Variants in PCDHGA9 observed in about 807,000 individuals in gnomAD.
The protein encoded by PCDHGA9 is protocadherin gamma subfamily A, 9.
Under a neutral mutation model 62.5 loss-of-function variants are expected in PCDHGA9, and 37 were observed. The observed-to-expected ratio is 0.59, with a 90% CI of 0.46 to 0.78. The LOEUF is 0.78. PCDHGA9 is among the 30% of genes least tolerant of loss of function. The probability of loss-of-function intolerance (pLI) is 0.00; values close to 1 mark genes in which losing one functional copy is unlikely to be tolerated. For missense variants in PCDHGA9, 1,138 were observed against 1,166.2 expected (o/e 0.98, Z 0.35); for synonymous variants, 459 against 484.6 (o/e 0.95, Z 0.69).
At chr5:141,410,583 G>A (rs1257322419) in intron 1 of PCDHGA9, 1 of 1,610,052 alleles carries the variant, frequency 6.2e-7, no homozygotes, top group African/African-American at 1.3e-5. Context: ...CCTCATGGTG[G>A]GGAGGATTTG....
At chr5:141,437,796 G>A (rs2097911691) in intron 1 of PCDHGA9, among the ~76,000 whole-genome samples, 1 of 150,348 alleles carries the variant, frequency 6.7e-6, no homozygotes, top group South Asian at 2.1e-4. Context: ...GGAGTGCAGT[G>A]GCACTATCTT....
intron 1 of PCDHGA9, among the ~76,000 whole-genome samples, chr5:141,465,984 T>C (rs11953841): frequency 0.18 from 27,399 of 151,848 alleles, 2,640 homozygotes; most frequent in Admixed American, 0.28. Context: ...TAGCCGGGCA[T>C]GGTGGCAGGC....
rs755576652 is a variant in PCDHGA9 at position 141,410,511 on chromosome 5, G to A, written c.2424+5135G>A. 4.3e-6 allele frequency: 7 copies of A among 1,613,942 alleles called. No individual in the cohort carries two copies. In the Admixed American group the frequency reaches 8.3e-5, roughly 19 times the overall value. On this transcript the variant is annotated intron_variant, in intron 1 of 3. Transcript: ENST00000573521. ...AAAGAGTTTAATTTCCTAAAATGCA[G>A]TGTGCCCCTACATTCCAATGAAGAC... is the stretch of plus-strand genomic sequence containing the variant.
At chr5:141,446,642 A>T (rs939365233) in intron 1 of PCDHGA9, among the ~76,000 whole-genome samples, 2 of 151,970 alleles carry the variant, frequency 1.3e-5, no homozygotes, top group Admixed American at 1.3e-4. Flanking sequence ...ACGCCTGGCT[A>T]ATTTTTGTAT....
chr5:141,504,228 C>T lies in PCDHGA9; in HGVS notation c.2484-1165C>T, dbSNP rs114896014. Among the ~76,000 whole-genome samples, 193 of 152,312 alleles carry T rather than the reference C, an allele frequency of 1.3e-3. 1 individual carries two copies. The highest frequency in any genetic ancestry group is 2.1e-3 in the Admixed American group (32 of 15,304). ...AAAATTCCAAGTAGAGCTGAACCTT[C>T]TAAGAAGCAGAGAGTTCTTCTTATG... On this transcript the variant is annotated intron_variant, in intron 2 of 3. Coordinates refer to ENST00000573521, the MANE Select transcript of PCDHGA9 (RefSeq NM_018921.3).
intron 1 of PCDHGA9, among the ~76,000 whole-genome samples, chr5:141,448,614 A>G (rs985924011): frequency 1.3e-5 from 2 of 152,070 alleles, no homozygotes; most frequent in East Asian, 1.9e-4. Flanking sequence ...ACCACTTTAT[A>G]TCTTCCTTTC....
At chr5:141,414,932 C>T (rs770025434) in intron 1 of PCDHGA9, 3 of 1,614,162 alleles carry the variant, frequency 1.9e-6, no homozygotes, top group Middle Eastern at 1.7e-4. Context: ...CCCCGCTCCG[C>T]AGAGCCCGGC....
At chr5:141,505,576 T>C in intron 3 of PCDHGA9, 95 bp downstream of exon 3, 5 of 1,590,334 alleles carry the variant, frequency 3.1e-6, no homozygotes, top group Admixed American at 1.7e-5. Context: ...ATGTCAAACC[T>C]GTGTAGTTTC....
At position 141,477,053 on chromosome 5, in the gene PCDHGA9, G is replaced by C; in HGVS notation, c.2425-17754G>C. ...GACAATCAAGGGTCGGCTGGACTTC[G>C]AGGACACCAAACTCCATGAGATTTA... On this transcript the variant is annotated intron_variant, in intron 1 of 3. Coordinates refer to ENST00000573521, the MANE Select transcript of PCDHGA9 (RefSeq NM_018921.3). This position sits in a 1 kb window ranked among gnomAD's most constrained non-coding sequence, Gnocchi z 4.9. The C allele has an allele frequency of 6.2e-7, 1 of 1,614,230 alleles. No homozygotes were observed. Among genetic ancestry groups the C allele is most frequent in the Non-Finnish European group, 8.5e-7 (1 of 1,180,032 alleles).
chr5:141,479,050 C>G (rs1484021560), intron 1 of PCDHGA9, among the ~76,000 whole-genome samples: 1 of 152,164 alleles, frequency 6.6e-6, no homozygotes, highest in South Asian at 2.1e-4. Context: ...ACCTCATTCT[C>G]AGATAATTTT....
At position 141,491,832 on chromosome 5, in the gene PCDHGA9, C is replaced by T. The variant is rs755882255; in HGVS notation, c.2425-2975C>T. On this transcript the variant is annotated intron_variant, in intron 1 of 3. Coordinates refer to ENST00000573521, the MANE Select transcript of PCDHGA9 (RefSeq NM_018921.3). The surrounding 1 kb of genome is among the most constrained non-coding windows in gnomAD (Gnocchi z 6.9). ...GTCGCTGGCTGCGCTCCACCCGATT[C>T]TCGGGATCATTGGACCGTTTGCGCG... 1.6e-5 allele frequency: 24 copies of T among 1,474,306 alleles called. No individual in the cohort carries two copies. The highest frequency in any genetic ancestry group is 2.0e-5 in the Non-Finnish European group (22 of 1,112,688). 91.3% of individuals were successfully genotyped at this position (1,474,306 alleles called of 1,614,324 possible). A position where few individuals can be genotyped will look rare whatever the true frequency, so the allele number is the denominator to read the frequency against.
At chr5:141,509,953 G>A (rs987910496) in intron 3 of PCDHGA9, among the ~76,000 whole-genome samples, 4 of 152,282 alleles carry the variant, frequency 2.6e-5, no homozygotes, top group Non-Finnish European at 4.4e-5. Context: ...AAATGCTACC[G>A]GGTATGGCCT....
In PCDHGA9 at chr5:141,493,668, GC is replaced by G. The variant is rs1178535601; in HGVS notation, c.2425-1135del. On this transcript the variant is annotated intron_variant, in intron 1 of 3. Coordinates refer to ENST00000573521, the MANE Select transcript of PCDHGA9 (RefSeq NM_018921.3). This position sits in a 1 kb window ranked among gnomAD's most constrained non-coding sequence, Gnocchi z 4.3. ...CATCCCTGTGCCCTTCTCCATGGCAGCCCCAGAATGGTGCTGGTGACTCCCG... is the reference window on the plus strand; with the variant it reads ...CATCCCTGTGCCCTTCTCCATGGCAGCCCAGAATGGTGCTGGTGACTCCCG... Among the ~76,000 whole-genome samples the G allele has an allele frequency of 6.6e-6, 1 of 152,140 alleles. No individual in the cohort carries two copies. The highest frequency in any genetic ancestry group is 2.4e-5 in the African/African-American group (1 of 41,422).
At chr5:141,456,788 C>A (rs2098888156) in intron 1 of PCDHGA9, among the ~76,000 whole-genome samples, 1 of 152,088 alleles carries the variant, frequency 6.6e-6, no homozygotes, top group Admixed American at 6.5e-5. Flanking sequence ...CATGGCAAAA[C>A]CCCATCTCTA....
intron 1 of PCDHGA9, chr5:141,423,755 G>T (rs1236551808): frequency 9.8e-6 from 5 of 512,508 alleles, no homozygotes; most frequent in Non-Finnish European, 1.3e-5. Flanking sequence ...CTGTTTGGGG[G>T]GGGGGTGGGG....
At chr5:141,472,980 C>CAAAAAA (rs60579131) in intron 1 of PCDHGA9, among the ~76,000 whole-genome samples, 7 of 86,100 alleles carry the variant, frequency 8.1e-5, no homozygotes, top group South Asian at 4.3e-4. Context: ...GAGTGAAACT[C>CAAAAAA]AAAAAAAAAA....
intron 1 of PCDHGA9, chr5:141,419,497 G>A (rs1357823931): frequency 6.2e-7 from 1 of 1,612,390 alleles, no homozygotes; most frequent in South Asian, 1.1e-5. Context: ...GCGCCAATGT[G>A]AGCCTGCGCG....
intron 1 of PCDHGA9, chr5:141,410,849 CTTTT>C (rs759346998): frequency 4.9e-3 from 673 of 137,520 alleles, no homozygotes; most frequent in South Asian, 8.7e-3. Flanking sequence ...TTGTCTTTGT[CTTTT>C]TTTTTTTTTT....
chr5:141,488,748 T>C (rs2099679003), intron 1 of PCDHGA9, among the ~76,000 whole-genome samples: 1 of 152,270 alleles, frequency 6.6e-6, no homozygotes, highest in African/African-American at 2.4e-5. Flanking sequence ...ATGCAGGAAG[T>C]TGCTGGGACA....
Sources: gnomAD v4.1 joint callset for allele counts (sites outside exome capture counted in the v4.1 genomes callset) on GRCh38, gnomAD v4.1.1 for gene constraint, Gnocchi (gnomAD v3.1) non-coding constraint, MANE v1.5 for transcripts, NCBI Gene and HGNC (gene_info 2026-07-23, HGNC 2026-07-21) for gene names.